IFT122: variants seen among roughly 807,000 people sequenced by gnomAD.
IFT122 encodes intraflagellar transport protein 122 homolog.
In IFT122, 118 loss-of-function variants were observed where a neutral mutation model predicts 161.6. The observed-to-expected ratio is 0.73, with a 90% confidence interval of 0.63 to 0.85. IFT122 has a LOEUF of 0.85. IFT122 is among the 40% of genes least tolerant of loss of function. The pLI, the probability that IFT122 is intolerant of heterozygous loss-of-function variation, is 0.00. For missense variants in IFT122, 1,381 were observed against 1,579.6 expected, an observed-to-expected ratio of 0.87 and a Z score of 2.13; for synonymous variants, 550 against 602.4, an observed-to-expected ratio of 0.91 and a Z score of 1.27.
At chr3:129,489,486 T>A (rs1292748628) in intron 16 of IFT122, among the ~76,000 whole-genome samples, 3 of 152,214 alleles carry the variant, frequency 2.0e-5, no homozygotes, top group Non-Finnish European at 4.4e-5. Context: ...AACAATGATC[T>A]AGATTATATT....
At chr3:129,486,867 C>T (rs956084541) in intron 15 of IFT122, among the ~76,000 whole-genome samples, 1 of 152,160 alleles carries the variant, frequency 6.6e-6, no homozygotes, top group African/African-American at 2.4e-5. Context: ...CTGAGCCTGG[C>T]CTGGGTTCTA....
At chr3:129,455,589 A>G (rs1391903808) in intron 3 of IFT122, among the ~76,000 whole-genome samples, 1 of 152,036 alleles carries the variant, frequency 6.6e-6, no homozygotes, top group African/African-American at 2.4e-5. Flanking sequence ...TTTTTTTTTA[A>G]TTCTATTCCA....
chr3:129,464,608 C>CA (rs2076521819), intron 6 of IFT122, 27 bp from the exon 7 acceptor site: 14 of 1,614,066 alleles, frequency 8.7e-6, no homozygotes, highest in Non-Finnish European at 1.1e-5. Flanking sequence ...CCCCTATCCC[C>CA]ATGCCTTTTG....
At chr3:129,468,390 C>T (rs2077021699) in intron 8 of IFT122, among the ~76,000 whole-genome samples, 1 of 151,966 alleles carries the variant, frequency 6.6e-6, no homozygotes, top group South Asian at 2.1e-4. Context: ...GTCACCTGGG[C>T]TGGAGTGCAG....
rs138539494 is a variant in IFT122 at position 129,501,345 on chromosome 3, A to T, written c.2375+1277A>T. Among the ~76,000 whole-genome samples, 3 of 152,166 alleles carry T rather than the reference A, an allele frequency of 2.0e-5. No individual in the cohort carries two copies. In the East Asian group the frequency reaches 5.8e-4, roughly 29 times the overall value. ...TACAGGTAGCAGTGGCCCAGCCAGGATTTGGGGATATGGAAGAGGCTGGTT... is the reference window on the plus strand; with the variant it reads ...TACAGGTAGCAGTGGCCCAGCCAGGTTTTGGGGATATGGAAGAGGCTGGTT... On this transcript the variant is annotated intron_variant, in intron 19 of 29. Coordinates refer to ENST00000348417, the MANE Select transcript of IFT122 (RefSeq NM_052989.3).
chr3:129,515,155 A>G, intron 25 of IFT122: 2 of 470,158 alleles, frequency 4.3e-6, no homozygotes, highest in Non-Finnish European at 3.9e-6. Flanking sequence ...AGTATAGTCC[A>G]CGTGCTCCGC....
intron 3 of IFT122, among the ~76,000 whole-genome samples, chr3:129,458,239 A>G (rs2075768535): frequency 6.6e-6 from 1 of 152,154 alleles, no homozygotes; most frequent in Admixed American, 6.5e-5. Flanking sequence ...CTTTCATAGG[A>G]TCCGTGTCTT....
At chr3:129,457,245 C>G (rs559410973) in intron 3 of IFT122, among the ~76,000 whole-genome samples, 1 of 152,320 alleles carries the variant, frequency 6.6e-6, no homozygotes, top group South Asian at 2.1e-4. Flanking sequence ...TGTTGCCTCT[C>G]TCCAGTCTGT....
intron 24 of IFT122, 26 bp from the exon 25 acceptor site, chr3:129,514,363 G>A: frequency 6.2e-7 from 1 of 1,613,436 alleles, no homozygotes; most frequent in Non-Finnish European, 8.5e-7. Flanking sequence ...TGTTGCCCCT[G>A]CTGTCCTTAA....
intron 18 of IFT122, among the ~76,000 whole-genome samples, chr3:129,499,477 T>G (rs564320223): frequency 2.3e-4 from 34 of 151,086 alleles, no homozygotes; most frequent in Admixed American, 9.2e-4. Context: ...ATATGTGGAA[T>G]TGTGCACCAG....
intron 8 of IFT122, 61 bp from the exon 9 acceptor site, chr3:129,469,281 A>C: frequency 3.5e-5 from 48 of 1,385,772 alleles, no homozygotes; most frequent in Non-Finnish European, 4.8e-5. Context: ...TTAAGCCCTT[A>C]GAGCTATACT....
intron 9 of IFT122, among the ~76,000 whole-genome samples, chr3:129,474,318 G>C (rs137984204): frequency 6.6e-6 from 1 of 152,282 alleles, no homozygotes; most frequent in Non-Finnish European, 1.5e-5. Context: ...GGAGAAACCA[G>C]TTCCCTAAAG....
intron 9 of IFT122, among the ~76,000 whole-genome samples, chr3:129,472,679 C>T (rs756635389): frequency 2.0e-5 from 3 of 152,134 alleles, no homozygotes; most frequent in African/African-American, 7.2e-5. Context: ...CTTCTCCATT[C>T]TTTCCTTTCC....
At chr3:129,457,177 C>T (rs1184422966) in intron 3 of IFT122, among the ~76,000 whole-genome samples, 1 of 152,202 alleles carries the variant, frequency 6.6e-6, no homozygotes, top group Non-Finnish European at 1.5e-5. Flanking sequence ...TACCGTGATC[C>T]TCTTCCAAAT....
chr3:129,516,548 ACACAGATTGCTCCTG>A (rs2083704550), intron 26 of IFT122, among the ~76,000 whole-genome samples: 2 of 120,286 alleles, frequency 1.7e-5, no homozygotes, highest in Non-Finnish European at 3.6e-5. Context: ...CCCTGCACAC[ACACAGATTGCTCCTG>A]CACACACACA....
At position 129,514,476 on chromosome 3, in the gene IFT122, G is replaced by T; in HGVS notation, c.3075G>T (p.Leu1025=). The T allele has an allele frequency of 6.2e-7, 1 of 1,614,214 alleles. No homozygotes were observed. Among genetic ancestry groups the T allele is most frequent in the Non-Finnish European group, 8.5e-7 (1 of 1,180,032 alleles). Residue 1025 remains leucine, a synonymous_variant, in exon 25 of 30, where the codon CTG becomes CTT. Coordinates refer to ENST00000348417, the MANE Select transcript of IFT122 (RefSeq NM_052989.3). ...ACGCCTATGACAAGCTGCGTGGCCT[G>T]TACATCCCTGCCAGATTCCAAAAGT... ...ARHAYDKLRG[L]YIPARFQKSI... is the part of the protein sequence containing the mutation.
chr3:129,448,139 T>C (rs2074267335), intron 1 of IFT122, among the ~76,000 whole-genome samples: 1 of 152,162 alleles, frequency 6.6e-6, no homozygotes, highest in Non-Finnish European at 1.5e-5. Flanking sequence ...ATCCTCTCCT[T>C]GAATTAAAAT....
chr3:129,443,881 A>G (rs1272751476), intron 1 of IFT122, among the ~76,000 whole-genome samples: 1 of 152,226 alleles, frequency 6.6e-6, no homozygotes, highest in East Asian at 1.9e-4. Context: ...CTTGGCTCAA[A>G]TGAGACATTC....
chr3:129,485,089 A>G (rs948227090), intron 15 of IFT122, among the ~76,000 whole-genome samples: 4 of 152,192 alleles, frequency 2.6e-5, no homozygotes, highest in Admixed American at 1.3e-4. Flanking sequence ...TTTCTTTACC[A>G]GTCCTACTGG....
Sources: allele counts gnomAD v4.1 joint callset (sites outside exome capture counted in the v4.1 genomes callset), GRCh38; gene constraint gnomAD v4.1.1; transcripts MANE v1.5; gene names NCBI Gene and HGNC (gene_info 2026-07-23, HGNC 2026-07-21).